Variants in ICA1L observed in about 807,000 individuals in gnomAD.
ICA1L encodes islet cell autoantigen 1 like, also known as islet cell autoantigen 1-like protein.
Under a neutral mutation model 61.3 loss-of-function variants are expected in ICA1L, and 50 were observed. The observed-to-expected ratio is 0.82, with a 90% CI of 0.65 to 1.03. The LOEUF (loss-of-function observed/expected upper bound fraction) is 1.03. Ranked by LOEUF, ICA1L falls within the 50% of genes least tolerant of loss-of-function variation. The probability of loss-of-function intolerance (pLI) is 0.00; values close to 1 mark genes in which losing one functional copy is unlikely to be tolerated. For synonymous variants in ICA1L, 161 were observed against 191.3 expected, an observed-to-expected ratio of 0.84 and a Z score of 1.31; for missense variants, 508 against 556.7, an observed-to-expected ratio of 0.91 and a Z score of 0.88.
intron 1 of ICA1L, among the ~76,000 whole-genome samples, chr2:202,853,422 C>T (rs2105882882): frequency 6.6e-6 from 1 of 151,764 alleles, no homozygotes; most frequent in South Asian, 2.1e-4. Context: ...AAAACCTAGG[C>T]CATACCATTC....
intron 1 of ICA1L, among the ~76,000 whole-genome samples, chr2:202,833,915 G>A (rs189161113): frequency 6.6e-6 from 1 of 152,134 alleles, no homozygotes; most frequent in Non-Finnish European, 1.5e-5. Context: ...CCAGAGGCTG[G>A]GGGGAGGGGT....
chr2:202,841,046 C>T lies in ICA1L; in HGVS notation c.-7-12030G>A, dbSNP rs767504693. 32 of 656,396 alleles carry T rather than the reference C, an allele frequency of 4.9e-5. No individual in the cohort carries two copies. In the Admixed American group the frequency reaches 5.7e-4, roughly 12 times the overall value. The allele number at this position is 656,396 out of a possible 1,614,324, so 40.7% of individuals were successfully genotyped here. A position where few individuals can be genotyped will look rare whatever the true frequency, so the allele number is the denominator to read the frequency against. ...GGGAGTGGCTGTTGTTCATGCACAG[C>T]ACCACAGATGTGTCCAAGATCTGGG... On this transcript the variant is annotated intron_variant, in intron 1 of 12. Coordinates refer to ENST00000358299, the MANE Select transcript of ICA1L (RefSeq NM_001288622.3).
intron 4 of ICA1L, 73 bp downstream of exon 4, chr2:202,821,285 T>C (rs1046653118): frequency 2.0e-6 from 3 of 1,477,092 alleles, no homozygotes; most frequent in African/African-American, 1.4e-5. Context: ...TTTACAAATA[T>C]GCAAATTTAA....
In ICA1L at chr2:202,795,904, A is replaced by G. The variant is rs962826362; in HGVS notation, c.985+986T>C. Among the ~76,000 whole-genome samples the G allele has an allele frequency of 7.1e-4, 108 of 152,034 alleles. 7 individuals carry two copies. Among genetic ancestry groups the G allele is most frequent in the Non-Finnish European group, 7.4e-5 (5 of 67,992 alleles). Reference sequence around the variant, plus strand: ...TAAAAATACAAAAAATTAGCTGGGCATGGTGGCGCACGCCTGTAATCCCGG... The same window carrying G: ...TAAAAATACAAAAAATTAGCTGGGCGTGGTGGCGCACGCCTGTAATCCCGG... On this transcript the variant is annotated intron_variant, in intron 10 of 12. Coordinates refer to ENST00000358299, the MANE Select transcript of ICA1L (RefSeq NM_001288622.3).
At position 202,849,840 on chromosome 2, in the gene ICA1L, G is replaced by A. The variant is rs1013995156; in HGVS notation, c.-7-20824C>T. Among the ~76,000 whole-genome samples the A allele has an allele frequency of 2.0e-5, 3 of 152,170 alleles. No individual in the cohort carries two copies. Among genetic ancestry groups the A allele is most frequent in the African/African-American group, 7.2e-5 (3 of 41,442 alleles). ...CCTCAAGTGGGTCCCAGACCCCCAT[G>A]CCTCCTGACTGGAAGACACCTCCCA... On this transcript the variant is annotated intron_variant, in intron 1 of 12. Transcript: ENST00000358299. The surrounding 1 kb of genome is among the most constrained non-coding windows in gnomAD (Gnocchi z 4.5).
intron 1 of ICA1L, among the ~76,000 whole-genome samples, chr2:202,847,768 G>A (rs1252606917): frequency 7.0e-6 from 1 of 143,676 alleles, no homozygotes; most frequent in East Asian, 2.1e-4. Flanking sequence ...TAAACAAAAA[G>A]ATACAGGCAC....
intron 9 of ICA1L, among the ~76,000 whole-genome samples, chr2:202,801,309 A>G (rs779100988): frequency 2.8e-4 from 43 of 152,196 alleles, no homozygotes; most frequent in Non-Finnish European, 6.0e-4. Context: ...TGCTTTTGGT[A>G]TGGATTCATG....
chr2:202,840,654 G>GT (rs1694301520), intron 1 of ICA1L: 1 of 589,180 alleles, frequency 1.7e-6, no homozygotes, highest in African/African-American at 1.8e-5. Context: ...ATGTTCGTCA[G>GT]TTCCTGGTAC....
intron 1 of ICA1L, among the ~76,000 whole-genome samples, chr2:202,838,334 G>A (rs543723605): frequency 3.3e-5 from 5 of 152,154 alleles, no homozygotes; most frequent in African/African-American, 1.2e-4. Flanking sequence ...GACTTATATT[G>A]TGGCCTAAGA....
intron 5 of ICA1L, among the ~76,000 whole-genome samples, chr2:202,818,870 TA>T (rs766931379): frequency 6.6e-6 from 1 of 152,364 alleles, no homozygotes. Flanking sequence ...ATTCTTCTTT[TA>T]AAAATTGAGG....
At chr2:202,822,799 T>A (rs1011598129) in intron 3 of ICA1L, among the ~76,000 whole-genome samples, 2 of 152,144 alleles carry the variant, frequency 1.3e-5, no homozygotes, top group African/African-American at 4.8e-5. Context: ...ACTACCCCTG[T>A]CCCCGCTGCC....
intron 1 of ICA1L, among the ~76,000 whole-genome samples, chr2:202,852,190 A>G (rs533941331): frequency 7.4e-4 from 113 of 152,214 alleles, no homozygotes; most frequent in Middle Eastern, 3.4e-3. Context: ...TAGGTCTAAC[A>G]TTTCAGTCTT....
chr2:202,814,740 A>G lies in ICA1L; in HGVS notation c.828T>C (p.Asp276=), dbSNP rs1279207314. The change falls in exon 8 of 13, where the codon GAT becomes GAC. Residue 276 remains aspartate (D), a synonymous_variant. Transcript: ENST00000358299. ...CAGTAAGAAAACCGCCTATTTGTTC[A>G]TCTTTATTGTCTTCACTAATCTTGC... ...TPSKISEDNK[D]EQIGGFLTEQ... is the part of the protein sequence containing the mutation. The G allele has an allele frequency of 6.2e-7, 1 of 1,613,820 alleles. No individual in the cohort carries two copies. The highest frequency in any genetic ancestry group is 1.1e-5 in the South Asian group (1 of 91,024).
chr2:202,790,655 G>A (rs1692718633), intron 10 of ICA1L, among the ~76,000 whole-genome samples: 1 of 152,146 alleles, frequency 6.6e-6, no homozygotes, highest in Non-Finnish European at 1.5e-5. Context: ...AGATAATAGA[G>A]GCTCCCATCT....
At chr2:202,838,542 C>T (rs946518933) in intron 1 of ICA1L, among the ~76,000 whole-genome samples, 9 of 152,134 alleles carry the variant, frequency 5.9e-5, no homozygotes, top group Non-Finnish European at 1.2e-4. Context: ...CCTATTATTG[C>T]ATTGCTATCT....
chr2:202,813,996 A>C (rs1256070769), intron 8 of ICA1L, among the ~76,000 whole-genome samples: 1 of 151,982 alleles, frequency 6.6e-6, no homozygotes, highest in Non-Finnish European at 1.5e-5. Flanking sequence ...CAAATGACAG[A>C]CTCTTAATCA....
chr2:202,794,049 C>A (rs1261234680), intron 10 of ICA1L, among the ~76,000 whole-genome samples: 3 of 150,208 alleles, frequency 2.0e-5, no homozygotes, highest in African/African-American at 4.9e-5. Flanking sequence ...TATAAAATGA[C>A]AAAGCTGGAC....
chr2:202,795,067 CCTTTT>C (rs1242129869), intron 10 of ICA1L, among the ~76,000 whole-genome samples: 2 of 128,550 alleles, frequency 1.6e-5, no homozygotes, highest in South Asian at 2.5e-4. Context: ...AAGAAAGTTT[CCTTTT>C]CTTTTTTTTT....
chr2:202,787,264 A>C (rs1191485290), intron 11 of ICA1L, among the ~76,000 whole-genome samples: 1 of 152,222 alleles, frequency 6.6e-6, no homozygotes, highest in Non-Finnish European at 1.5e-5. Flanking sequence ...ACAGGTAGGG[A>C]TCAGAGCACA....
Sources: allele counts gnomAD v4.1 joint callset (sites outside exome capture counted in the v4.1 genomes callset), GRCh38; gene constraint gnomAD v4.1.1; non-coding constraint Gnocchi (gnomAD v3.1); transcripts MANE v1.5; gene names NCBI Gene and HGNC (gene_info 2026-07-23, HGNC 2026-07-21).